ELP3: variants seen among roughly 807,000 people sequenced by gnomAD.
The protein encoded by ELP3 is elongator acetyltransferase complex subunit 3.
In ELP3, 56 loss-of-function variants were observed where a neutral mutation model predicts 74.9. That is an observed-to-expected ratio of 0.75 (90% confidence interval 0.60 to 0.93). The LOEUF (loss-of-function observed/expected upper bound fraction) is 0.93, where lower values mean the gene tolerates loss of function less well. Among genes scored for constraint, ELP3 ranks in the 40% least tolerant of loss-of-function variants. The probability of loss-of-function intolerance (pLI) is 0.00; values close to 1 mark genes in which losing one functional copy is unlikely to be tolerated. For synonymous variants in ELP3, 222 were observed against 239.8 expected, an observed-to-expected ratio of 0.93 and a Z score of 0.68; for missense variants, 573 against 686.5, an observed-to-expected ratio of 0.83 and a Z score of 1.85.
At chr8:28,139,464 C>T (rs1292957216) in intron 10 of ELP3, among the ~76,000 whole-genome samples, 1 of 152,098 alleles carries the variant, frequency 6.6e-6, no homozygotes, top group Non-Finnish European at 1.5e-5. Flanking sequence ...ACACAGGTGG[C>T]CCTTCATATC....
upstream of ELP3, among the ~76,000 whole-genome samples, chr8:28,091,376 T>C (rs755723529): frequency 3.3e-5 from 5 of 152,304 alleles, no homozygotes; most frequent in Middle Eastern, 3.4e-3. Context: ...TTTTTCAGTT[T>C]AACTTTGGAA....
chr8:28,130,661 G>A (rs1812754521), intron 8 of ELP3, among the ~76,000 whole-genome samples: 1 of 152,214 alleles, frequency 6.6e-6, no homozygotes, highest in Non-Finnish European at 1.5e-5. Flanking sequence ...GTGCTAGAGA[G>A]ACAGTTGTGC....
At chr8:28,109,570 G>A (rs546337958) in intron 5 of ELP3, among the ~76,000 whole-genome samples, 1 of 152,186 alleles carries the variant, frequency 6.6e-6, no homozygotes, top group Non-Finnish European at 1.5e-5. Context: ...TTCGGATTTT[G>A]GATTTTTCTG....
At chr8:28,126,774 G>A (rs1340026487) in intron 7 of ELP3, among the ~76,000 whole-genome samples, 2 of 152,128 alleles carry the variant, frequency 1.3e-5, no homozygotes, top group African/African-American at 2.4e-5. Context: ...GCGCATATTT[G>A]CATATTAAAG....
upstream of ELP3, chr8:28,093,044 A>G: frequency 1.8e-6 from 2 of 1,108,964 alleles, no homozygotes; most frequent in South Asian, 1.3e-5. Context: ...TGTTAGTTGC[A>G]ACACGGGGCG....
chr8:28,176,999 A>G (rs1302195002), intron 14 of ELP3, among the ~76,000 whole-genome samples: 1 of 152,236 alleles, frequency 6.6e-6, no homozygotes, highest in African/African-American at 2.4e-5. Context: ...TTACCATGGT[A>G]GTATCTATTT....
At chr8:28,115,986 G>A (rs2130410285) in intron 7 of ELP3, among the ~76,000 whole-genome samples, 1 of 152,248 alleles carries the variant, frequency 6.6e-6, no homozygotes, top group South Asian at 2.1e-4. Context: ...CAAAATTTTG[G>A]ATAGACCTAA....
chr8:28,144,525 T>C (rs1813359306), intron 10 of ELP3, among the ~76,000 whole-genome samples: 1 of 152,138 alleles, frequency 6.6e-6, no homozygotes, highest in Admixed American at 6.5e-5. Flanking sequence ...GAGTCTGAGG[T>C]GGGAGAATCA....
In ELP3 at chr8:28,175,810, C is replaced by CTTTTTTT. The variant is rs56901616; in HGVS notation, c.1567+13747_1567+13753dup. Among the ~76,000 whole-genome samples the CTTTTTTT allele has an allele frequency of 3.2e-4, 25 of 78,244 alleles. 1 individual carries two copies. Among genetic ancestry groups the CTTTTTTT allele is most frequent in the African/African-American group, 9.1e-4 (18 of 19,682 alleles). 51.3% of individuals were successfully genotyped at this position (78,244 alleles called of 152,430 possible). On this transcript the variant is annotated intron_variant, in intron 14 of 14. Transcript: ENST00000256398. ...CTGTAATCATGCATTTGTCTAGTGA[C>CTTTTTTT]TTTTTTTTTTTTTTTTTTTTTGGGG...
At chr8:28,173,140 T>C (rs1410522703) in intron 14 of ELP3, among the ~76,000 whole-genome samples, 1 of 152,060 alleles carries the variant, frequency 6.6e-6, no homozygotes, top group East Asian at 1.9e-4. Context: ...AATGCTGGCT[T>C]TATTAAATGA....
chr8:28,163,889 C>T (rs1814203657), intron 14 of ELP3, among the ~76,000 whole-genome samples: 1 of 152,120 alleles, frequency 6.6e-6, no homozygotes, highest in Admixed American at 6.6e-5. Context: ...CTGGGTGGGG[C>T]CTGTGCTCCC....
intron 10 of ELP3, among the ~76,000 whole-genome samples, chr8:28,143,706 C>T (rs1813329688): frequency 6.6e-6 from 1 of 152,150 alleles, no homozygotes; most frequent in African/African-American, 2.4e-5. Context: ...ATGTAATTAT[C>T]CTGGCCTCCA....
upstream of ELP3, among the ~76,000 whole-genome samples, chr8:28,092,109 T>C (rs939617747): frequency 6.6e-6 from 1 of 152,178 alleles, no homozygotes; most frequent in Non-Finnish European, 1.5e-5. Context: ...ACAAGGAATT[T>C]CCCTGTGAGC....
chr8:28,186,693 A>T (rs975280760), intron 14 of ELP3, among the ~76,000 whole-genome samples: 4 of 152,174 alleles, frequency 2.6e-5, no homozygotes, highest in African/African-American at 4.8e-5. Flanking sequence ...ACAGGATAGC[A>T]CATGGCATCA....
intron 7 of ELP3, among the ~76,000 whole-genome samples, chr8:28,120,965 A>G (rs951891477): frequency 2.0e-5 from 3 of 152,354 alleles, no homozygotes; most frequent in South Asian, 4.1e-4. Flanking sequence ...GTCAAGTAAT[A>G]TGAGTCTTCT....
intron 14 of ELP3, among the ~76,000 whole-genome samples, chr8:28,176,884 A>C (rs1814779095): frequency 6.6e-6 from 1 of 152,182 alleles, no homozygotes; most frequent in Non-Finnish European, 1.5e-5. Context: ...TTTTTGAATC[A>C]GTTGATTGTG....
At position 28,135,408 on chromosome 8, in the gene ELP3, C is replaced by G. The variant is rs537776765; in HGVS notation, c.907-2290C>G. Among the ~76,000 whole-genome samples the G allele has an allele frequency of 3.3e-5, 5 of 152,290 alleles. No individual in the cohort carries two copies. The South Asian group carries it at 1.0e-3, about 32-fold the overall frequency. ...CTTACGTAGAGCCATTTGATTCATC[C>G]AGAGATGAACTCTCCAACTTCCTGC... On this transcript the variant is annotated intron_variant, in intron 9 of 14. Coordinates refer to ENST00000256398, the MANE Select transcript of ELP3 (RefSeq NM_018091.6).
chr8:28,142,635 C>T (rs1813287947), intron 10 of ELP3, among the ~76,000 whole-genome samples: 1 of 152,170 alleles, frequency 6.6e-6, no homozygotes, highest in Non-Finnish European at 1.5e-5. Flanking sequence ...CAGTTCCTAA[C>T]ACAGTAAGGC....
At chr8:28,121,462 G>GGCATCCAC (rs1812369770) in intron 7 of ELP3, among the ~76,000 whole-genome samples, 1 of 151,718 alleles carries the variant, frequency 6.6e-6, no homozygotes, top group Non-Finnish European at 1.5e-5. Flanking sequence ...TGGGATTACA[G>GGCATCCAC]GCATCCACCA....
Sources: allele counts gnomAD v4.1 joint callset (sites outside exome capture counted in the v4.1 genomes callset), GRCh38; gene constraint gnomAD v4.1.1; transcripts MANE v1.5; gene names NCBI Gene and HGNC (gene_info 2026-07-23, HGNC 2026-07-21).